Variants in GALNT17 observed in about 807,000 individuals in gnomAD.
GALNT17 encodes UDP-GalNAc:polypeptide N-acetylgalactosaminyltransferase-like 3.
A neutral mutation model predicts 63.7 loss-of-function variants in GALNT17; 29 were observed. The ratio of observed to expected loss-of-function variants is 0.46; its 90% CI spans 0.34 to 0.62. GALNT17 has a LOEUF of 0.62. GALNT17 is among the 20% of genes least tolerant of loss of function. GALNT17 has a pLI of 0.01. For missense variants in GALNT17, 603 were observed against 799.6 expected, an observed-to-expected ratio of 0.75 and a Z score of 2.97; for synonymous variants, 305 against 318.3, an observed-to-expected ratio of 0.96 and a Z score of 0.45.
At chr7:71,315,033 T>C (rs1301692884) in intron 1 of GALNT17, among the ~76,000 whole-genome samples, 1 of 152,210 alleles carries the variant, frequency 6.6e-6, no homozygotes, top group Admixed American at 6.6e-5. Context: ...CAGTCACTCC[T>C]CAATCCACCC....
intron 6 of GALNT17, among the ~76,000 whole-genome samples, chr7:71,594,482 G>T (rs1009113291): frequency 2.0e-5 from 3 of 152,050 alleles, no homozygotes; most frequent in African/African-American, 7.2e-5. Flanking sequence ...TAGAGATGGG[G>T]TTTTGCCCTG....
At chr7:71,297,050 T>C (rs544414551) in intron 1 of GALNT17, among the ~76,000 whole-genome samples, 21 of 152,358 alleles carry the variant, frequency 1.4e-4, no homozygotes, top group Middle Eastern at 3.4e-3. Flanking sequence ...CTTTTCTTAT[T>C]GCTTAAGCCT....
At chr7:71,140,839 T>C (rs1787875075) in intron 1 of GALNT17, among the ~76,000 whole-genome samples, 1 of 149,586 alleles carries the variant, frequency 6.7e-6, no homozygotes, top group Admixed American at 6.7e-5. Flanking sequence ...TTGGGCAACA[T>C]AGCAAGACCT....
chr7:71,300,650 C>A, intron 1 of GALNT17: 1 of 219,094 alleles, frequency 4.6e-6, no homozygotes, highest in Non-Finnish European at 9.4e-6. Context: ...CAACATGCTG[C>A]TAGGAAAAAT....
intron 6 of GALNT17, among the ~76,000 whole-genome samples, chr7:71,600,591 G>A (rs1022919359): frequency 6.6e-6 from 1 of 152,106 alleles, no homozygotes; most frequent in African/African-American, 2.4e-5. Flanking sequence ...CACAGATTAA[G>A]CAATCAGCAG....
In GALNT17 at chr7:71,501,259, G is replaced by A. The variant is rs191414014; in HGVS notation, c.963-70026G>A. 3.8e-3 allele frequency among the ~76,000 whole-genome samples: 569 copies of A among 151,450 alleles called. 1 individual carries two copies. The highest frequency in any genetic ancestry group is 5.6e-3 in the Non-Finnish European group (381 of 67,894). Reference sequence around the variant, plus strand: ...ACTGGGATTACAGGTGTGAGCCACCGCGCCCAGCCTAGTTTAATTTTTTGA... The same window carrying A: ...ACTGGGATTACAGGTGTGAGCCACCACGCCCAGCCTAGTTTAATTTTTTGA... On this transcript the variant is annotated intron_variant, in intron 5 of 10. Transcript: ENST00000333538.
chr7:71,252,976 A>T (rs890294108), intron 1 of GALNT17, among the ~76,000 whole-genome samples: 1 of 152,162 alleles, frequency 6.6e-6, no homozygotes, highest in African/African-American at 2.4e-5. Flanking sequence ...CCCTCCACTC[A>T]TCTGAGCCAT....
At chr7:71,600,563 A>G (rs1337021103) in intron 6 of GALNT17, among the ~76,000 whole-genome samples, 1 of 152,056 alleles carries the variant, frequency 6.6e-6, no homozygotes, top group East Asian at 1.9e-4. Context: ...CCAACTTTAT[A>G]GATAGGAAAC....
At chr7:71,155,845 T>C (rs1211284484) in intron 1 of GALNT17, among the ~76,000 whole-genome samples, 2 of 151,824 alleles carry the variant, frequency 1.3e-5, no homozygotes, top group Non-Finnish European at 2.9e-5. Context: ...AATTATGGCC[T>C]TATAACAGAG....
chr7:71,255,992 G>A (rs116429585), intron 1 of GALNT17, among the ~76,000 whole-genome samples: 2,095 of 152,242 alleles, frequency 0.014, 45 homozygotes, highest in African/African-American at 0.048. Flanking sequence ...TACTGACAGA[G>A]CAGACTCTTT....
chr7:71,205,995 T>C lies in GALNT17; in HGVS notation c.238+72955T>C, dbSNP rs141321907. Among the ~76,000 whole-genome samples, 121 of 151,638 alleles carry C rather than the reference T, an allele frequency of 8.0e-4. 1 individual carries two copies. The highest frequency in any genetic ancestry group is 2.7e-3 in the African/African-American group (112 of 41,388). On this transcript the variant is annotated intron_variant, in intron 1 of 10. Coordinates refer to ENST00000333538, the MANE Select transcript of GALNT17 (RefSeq NM_022479.3). ...GACACTGAGCCACTGCATGTAGTCA[T>C]ATGGGTATTTATACAAATTACCAAA...
intron 1 of GALNT17, among the ~76,000 whole-genome samples, chr7:71,263,494 C>G (rs1790425581): frequency 6.6e-6 from 1 of 152,180 alleles, no homozygotes; most frequent in Non-Finnish European, 1.5e-5. Context: ...GCAATGCTAG[C>G]AAACAAATAC....
chr7:71,668,077 G>A (rs1306496591), intron 7 of GALNT17, among the ~76,000 whole-genome samples: 1 of 152,146 alleles, frequency 6.6e-6, no homozygotes, highest in Non-Finnish European at 1.5e-5. Context: ...GGGATTACAG[G>A]TGTGAGCCAC....
intron 1 of GALNT17, among the ~76,000 whole-genome samples, chr7:71,197,461 G>C (rs556319320): frequency 4.0e-5 from 6 of 151,704 alleles, no homozygotes; most frequent in Non-Finnish European, 7.4e-5. Context: ...GCCCATCTCG[G>C]CCTCCCAAAG....
chr7:71,603,680 T>C (rs945082237), intron 6 of GALNT17, among the ~76,000 whole-genome samples: 3 of 150,402 alleles, frequency 2.0e-5, no homozygotes, highest in African/African-American at 7.4e-5. Flanking sequence ...GTGCATACAC[T>C]AACTACTATG....
intron 5 of GALNT17, among the ~76,000 whole-genome samples, chr7:71,497,816 C>T (rs1177356364): frequency 6.6e-6 from 1 of 152,188 alleles, no homozygotes; most frequent in Non-Finnish European, 1.5e-5. Context: ...TCTGTGGGGG[C>T]TCCAGCAGGA....
intron 5 of GALNT17, among the ~76,000 whole-genome samples, chr7:71,538,513 C>T (rs917573767): frequency 6.6e-6 from 1 of 152,158 alleles, no homozygotes; most frequent in Admixed American, 6.5e-5. Flanking sequence ...ATCAGTTAAC[C>T]TAATAAAATT....
intron 6 of GALNT17, among the ~76,000 whole-genome samples, chr7:71,585,162 A>G (rs770168282): frequency 6.6e-6 from 1 of 152,132 alleles, no homozygotes; most frequent in Non-Finnish European, 1.5e-5. Flanking sequence ...CTTTTTGGCA[A>G]GAACACTTTA....
chr7:71,565,823 AT>A (rs35668413), intron 5 of GALNT17, among the ~76,000 whole-genome samples: 5 of 143,868 alleles, frequency 3.5e-5, no homozygotes, highest in African/African-American at 1.3e-4. Context: ...AAGAAGCTGC[AT>A]TTTTTTTTCT....
Sources: gnomAD v4.1 joint callset for allele counts (sites outside exome capture counted in the v4.1 genomes callset) on GRCh38, gnomAD v4.1.1 for gene constraint, MANE v1.5 for transcripts, NCBI Gene and HGNC (gene_info 2026-07-23, HGNC 2026-07-21) for gene names.